HS6ST3: variants seen among roughly 807,000 people sequenced by gnomAD.
The protein encoded by HS6ST3 is heparan sulfate 6-O-sulfotransferase 3, also known as heparan-sulfate 6-O-sulfotransferase 3.
Under a neutral mutation model 36.7 loss-of-function variants are expected in HS6ST3, and 12 were observed. The ratio of observed to expected loss-of-function variants is 0.33; its 90% CI spans 0.21 to 0.53. The LOEUF (loss-of-function observed/expected upper bound fraction) is 0.53, where lower values mean the gene tolerates loss of function less well. HS6ST3 is among the 20% of genes least tolerant of loss of function. The pLI, the probability that HS6ST3 is intolerant of heterozygous loss-of-function variation, is 0.95. For synonymous variants in HS6ST3, 240 were observed against 257.5 expected, an observed-to-expected ratio of 0.93 and a Z score of 0.65; for missense variants, 584 against 640.9, an observed-to-expected ratio of 0.91 and a Z score of 0.96.
chr13:96,350,708 A>G (rs1024324675), intron 1 of HS6ST3, among the ~76,000 whole-genome samples: 1 of 152,220 alleles, frequency 6.6e-6, no homozygotes. Flanking sequence ...CTCCACATGG[A>G]TATAATAACG....
chr13:96,371,435 A>T (rs957283163), intron 1 of HS6ST3, among the ~76,000 whole-genome samples: 4 of 152,182 alleles, frequency 2.6e-5, no homozygotes, highest in Non-Finnish European at 5.9e-5. Context: ...CAACCTATCC[A>T]TCACCTCACA....
rs1057358176 is a variant in HS6ST3, at chr13:96,732,247, A to G, written c.708-100243A>G. 4.6e-5 allele frequency among the ~76,000 whole-genome samples: 7 copies of G among 152,158 alleles called. No homozygotes were observed. In the South Asian group the frequency reaches 1.5e-3, roughly 32 times the overall value. On this transcript the variant is annotated intron_variant, in intron 1 of 1. Transcript: ENST00000376705. ...CAGGCCTTTTTAAAATTTTTAAATCAGGTTATTTCCTTGCTATTGAGTTGT... is the reference window on the plus strand; with the variant it reads ...CAGGCCTTTTTAAAATTTTTAAATCGGGTTATTTCCTTGCTATTGAGTTGT...
intron 1 of HS6ST3, among the ~76,000 whole-genome samples, chr13:96,683,142 A>G (rs2056723973): frequency 6.6e-6 from 1 of 151,998 alleles, no homozygotes; most frequent in South Asian, 2.1e-4. Context: ...TAGAGATGGG[A>G]GTGTATAATA....
intron 1 of HS6ST3, among the ~76,000 whole-genome samples, chr13:96,187,067 CT>C (rs913471776): frequency 1.3e-5 from 2 of 152,214 alleles, no homozygotes; most frequent in African/African-American, 4.8e-5. Flanking sequence ...CTGTCCAGTA[CT>C]GTTGCCACAA....
chr13:96,414,744 A>C (rs1365101117), intron 1 of HS6ST3, among the ~76,000 whole-genome samples: 2 of 152,230 alleles, frequency 1.3e-5, no homozygotes, highest in Non-Finnish European at 2.9e-5. Context: ...GGCCTCCCAA[A>C]GTGCAGGGAT....
chr13:96,347,720 T>C (rs896638501), intron 1 of HS6ST3, among the ~76,000 whole-genome samples: 2 of 152,204 alleles, frequency 1.3e-5, no homozygotes, highest in African/African-American at 4.8e-5. Flanking sequence ...AAAATTCCAC[T>C]CTATCCTCAG....
At chr13:96,298,078 A>G (rs2054863900) in intron 1 of HS6ST3, among the ~76,000 whole-genome samples, 1 of 151,956 alleles carries the variant, frequency 6.6e-6, no homozygotes, top group Non-Finnish European at 1.5e-5. Flanking sequence ...CTGGATTAGG[A>G]TGGGGAAGTA....
At chr13:96,801,161 T>C (rs1878058190) in intron 1 of HS6ST3, among the ~76,000 whole-genome samples, 1 of 152,118 alleles carries the variant, frequency 6.6e-6, no homozygotes, top group Middle Eastern at 3.2e-3. Flanking sequence ...ATTCAGTGTG[T>C]TCTTTTCCCA....
At chr13:96,628,937 T>C (rs978190240) in intron 1 of HS6ST3, among the ~76,000 whole-genome samples, 2 of 152,170 alleles carry the variant, frequency 1.3e-5, no homozygotes, top group Non-Finnish European at 2.9e-5. Context: ...CTCTATCTCT[T>C]TAAATTACTG....
Position 96,346,401 on chromosome 13 carries a change from T to C in HS6ST3, c.707+254832T>C, listed in dbSNP as rs181526467. ...CATCCTGGCTAAAACGGTGAAACCC[T>C]ATCTCTCCTAAAAATACAAAAAATT... is the stretch of plus-strand genomic sequence containing the variant. On this transcript the variant is annotated intron_variant, in intron 1 of 1. Transcript: ENST00000376705. 4.7e-3 allele frequency among the ~76,000 whole-genome samples: 709 copies of C among 152,012 alleles called. 6 individuals are homozygous for C. The highest frequency in any genetic ancestry group is 9.6e-3 in the African/African-American group (400 of 41,474).
At chr13:96,231,299 GTGATGC>G (rs1486591407) in intron 1 of HS6ST3, among the ~76,000 whole-genome samples, 1 of 152,170 alleles carries the variant, frequency 6.6e-6, no homozygotes, top group East Asian at 1.9e-4. Flanking sequence ...CAAGTCCCAA[GTGATGC>G]TGATACTATA....
At chr13:96,827,982 T>G (rs1023908844) in intron 1 of HS6ST3, among the ~76,000 whole-genome samples, 1 of 152,224 alleles carries the variant, frequency 6.6e-6, no homozygotes, top group African/African-American at 2.4e-5. Flanking sequence ...ATATCCACTC[T>G]GCACACAACT....
At chr13:96,228,954 A>T (rs1052362896) in intron 1 of HS6ST3, among the ~76,000 whole-genome samples, 1 of 152,030 alleles carries the variant, frequency 6.6e-6, no homozygotes, top group South Asian at 2.1e-4. Context: ...TGAGGAGAGC[A>T]GTGTGGATGG....
At chr13:96,788,805 G>A (rs1268964171) in intron 1 of HS6ST3, among the ~76,000 whole-genome samples, 2 of 151,648 alleles carry the variant, frequency 1.3e-5, no homozygotes, top group African/African-American at 4.8e-5. Context: ...AATTTTCTTG[G>A]TCTAGAAGTC....
chr13:96,684,814 A>C (rs907612277), intron 1 of HS6ST3, among the ~76,000 whole-genome samples: 1 of 152,084 alleles, frequency 6.6e-6, no homozygotes, highest in African/African-American at 2.4e-5. Flanking sequence ...GGGTGCTAGA[A>C]GAAGACCCGC....
chr13:96,450,860 G>A (rs1395691405), intron 1 of HS6ST3, among the ~76,000 whole-genome samples: 4 of 152,142 alleles, frequency 2.6e-5, no homozygotes, highest in African/African-American at 7.2e-5. Flanking sequence ...CAGTCTGGGC[G>A]GGTATCAAAT....
At chr13:96,446,592 T>A (rs1157508275) in intron 1 of HS6ST3, among the ~76,000 whole-genome samples, 5 of 152,244 alleles carry the variant, frequency 3.3e-5, no homozygotes, top group Non-Finnish European at 5.9e-5. Flanking sequence ...TGGGTGTCGC[T>A]ATTCTTATTC....
At chr13:96,366,599 G>A (rs1180135647) in intron 1 of HS6ST3, among the ~76,000 whole-genome samples, 1 of 151,936 alleles carries the variant, frequency 6.6e-6, no homozygotes, top group Non-Finnish European at 1.5e-5. Flanking sequence ...AATCATCTAG[G>A]GTGTTTCTAA....
At chr13:96,736,248 C>G (rs1488305313) in intron 1 of HS6ST3, among the ~76,000 whole-genome samples, 1 of 151,996 alleles carries the variant, frequency 6.6e-6, no homozygotes, top group Non-Finnish European at 1.5e-5. Flanking sequence ...AAAAAACAAA[C>G]AAACAAGTGA....
Sources: gnomAD v4.1 joint callset for allele counts (sites outside exome capture counted in the v4.1 genomes callset) on GRCh38, gnomAD v4.1.1 for gene constraint, MANE v1.5 for transcripts, NCBI Gene and HGNC (gene_info 2026-07-23, HGNC 2026-07-21) for gene names.